LNX1: variants seen among roughly 807,000 people sequenced by gnomAD.
LNX1 encodes ligand of numb-protein X 1.
Under a neutral mutation model 68.4 loss-of-function variants are expected in LNX1, and 54 were observed. The ratio of observed to expected loss-of-function variants is 0.79; its 90% CI spans 0.63 to 0.99. The LOEUF (loss-of-function observed/expected upper bound fraction) is 0.99. LNX1 is among the 50% of genes least tolerant of loss of function. The pLI is 0.00. For synonymous variants in LNX1, 336 were observed against 350.0 expected (o/e 0.96, Z 0.45); for missense variants, 906 against 926.4 (o/e 0.98, Z 0.29).
chr4:53,557,805 T>C (rs1730019912), intron 2 of LNX1: 1 of 1,580,964 alleles, frequency 6.3e-7, no homozygotes, highest in Non-Finnish European at 8.7e-7. Flanking sequence ...AGCTAGGGAA[T>C]GGACTCGGGT....
intron 9 of LNX1, among the ~76,000 whole-genome samples, chr4:53,463,364 A>G (rs1722337631): frequency 6.6e-6 from 1 of 152,094 alleles, no homozygotes; most frequent in Admixed American, 6.5e-5. Context: ...TTATTTAATT[A>G]AAAAGTAAAC....
intron 1 of LNX1, among the ~76,000 whole-genome samples, chr4:53,584,016 T>G (rs1322137806): frequency 1.3e-5 from 2 of 152,186 alleles, no homozygotes; most frequent in Non-Finnish European, 2.9e-5. Context: ...TTCGGAGCTC[T>G]GTTCATGCTA....
chr4:53,642,948 T>C (rs1191696183), intron 1 of LNX1, among the ~76,000 whole-genome samples: 2 of 152,164 alleles, frequency 1.3e-5, no homozygotes, highest in Non-Finnish European at 2.9e-5. Context: ...AATGGTTCTC[T>C]GTGTGGGGTG....
At chr4:53,644,796 A>G (rs1734821716) in intron 1 of LNX1, among the ~76,000 whole-genome samples, 1 of 152,162 alleles carries the variant, frequency 6.6e-6, no homozygotes, top group Admixed American at 6.5e-5. Context: ...GAAGGTCGTT[A>G]TTACCAACCC....
rs879386080 is a variant in LNX1, at chr4:53,460,400, A to AAAT, written c.*504_*506dup. On this transcript the variant is annotated 3_prime_UTR_variant, in exon 11 of 11. Transcript: ENST00000263925. ...AAAGAATAAATTACTAGGATCTTTT[A>AAAT]AATAGTGATAATACAAAAGTAATCT... 6.1e-4 allele frequency: 115 copies of AAAT among 189,058 alleles called. No homozygotes were observed. Among genetic ancestry groups the AAAT allele is most frequent in the African/African-American group, 2.1e-3 (90 of 42,970 alleles). The allele number at this position is 189,058 out of a possible 1,614,324, so 11.7% of individuals were successfully genotyped here.
intron 9 of LNX1, among the ~76,000 whole-genome samples, chr4:53,470,114 C>A (rs1037600682): frequency 1.3e-5 from 2 of 152,178 alleles, no homozygotes; most frequent in Non-Finnish European, 2.9e-5. Flanking sequence ...CAAACCAAAT[C>A]CAGCAGCACA....
intron 1 of LNX1, among the ~76,000 whole-genome samples, chr4:53,645,361 T>C (rs1734846940): frequency 6.6e-6 from 1 of 152,096 alleles, no homozygotes; most frequent in African/African-American, 2.4e-5. Flanking sequence ...AATGAAGATA[T>C]TTGGTCATTG....
upstream of LNX1, among the ~76,000 whole-genome samples, chr4:53,619,868 A>C (rs1185743175): frequency 1.3e-5 from 2 of 152,220 alleles, no homozygotes; most frequent in African/African-American, 4.8e-5. Context: ...CATCCTTGCC[A>C]GTGCTTGTTA....
chr4:53,539,157 G>GT (rs1219852236), intron 2 of LNX1: 2 of 152,216 alleles, frequency 1.3e-5, no homozygotes, highest in African/African-American at 4.8e-5. Flanking sequence ...AAGGAGCTCA[G>GT]TGTGCTTTAT....
Position 53,460,960 on chromosome 4 carries a change from G to A in LNX1, c.2134C>T (p.Leu712Phe), listed in dbSNP as rs1244545430. The A allele has an allele frequency of 6.2e-7, 1 of 1,609,960 alleles. No individual in the cohort carries two copies. The highest frequency in any genetic ancestry group is 1.1e-5 in the South Asian group (1 of 90,378). ...ATAGTTAGAGTAATTCTTCCTTTAAGTTCTTTCAGCAGTCTTGCCAAGCAA... is the reference window on the plus strand; with the variant it reads ...ATAGTTAGAGTAATTCTTCCTTTAAATTCTTTCAGCAGTCTTGCCAAGCAA... ...HACLARLLKELKGRITLTIVS... is the reference protein window; with the variant it reads ...HACLARLLKEFKGRITLTIVS... The change falls in exon 11 of 11, where the codon CTT becomes TTT. Residue 712 changes from leucine (L) to phenylalanine (F), a missense_variant. By Grantham distance (22) the Leu-to-Phe change is conservative. Coordinates refer to ENST00000263925, the MANE Select transcript of LNX1 (RefSeq NM_001126328.3).
At chr4:53,491,395 C>T (rs569889754) in intron 6 of LNX1, among the ~76,000 whole-genome samples, 10 of 152,226 alleles carry the variant, frequency 6.6e-5, no homozygotes, top group South Asian at 2.1e-4. Context: ...ATTGATTGGC[C>T]GGCTAATGCC....
intron 2 of LNX1, among the ~76,000 whole-genome samples, chr4:53,542,459 C>G (rs1472491990): frequency 6.6e-6 from 1 of 152,090 alleles, no homozygotes; most frequent in African/African-American, 2.4e-5. Flanking sequence ...TTAAGCCCAG[C>G]CATGGGAAGG....
At chr4:53,589,537 C>A (rs1218590847) in intron 1 of LNX1, among the ~76,000 whole-genome samples, 1 of 152,184 alleles carries the variant, frequency 6.6e-6, no homozygotes, top group African/African-American at 2.4e-5. Context: ...CAGTTAACAC[C>A]AGGCATTGGT....
intron 1 of LNX1, chr4:53,575,720 G>A: frequency 6.9e-7 from 1 of 1,439,292 alleles, no homozygotes; most frequent in Non-Finnish European, 9.1e-7. Context: ...AGCAGTGTCT[G>A]CTGTGGGGGC....
At chr4:53,558,037 C>T in intron 2 of LNX1, 1 of 1,596,778 alleles carries the variant, frequency 6.3e-7, no homozygotes, top group Non-Finnish European at 8.5e-7. Context: ...AGCCAAGCTC[C>T]TTTAAGCAAA....
intron 2 of LNX1, among the ~76,000 whole-genome samples, chr4:53,535,495 G>A (rs1434582408): frequency 1.3e-5 from 2 of 151,946 alleles, no homozygotes; most frequent in South Asian, 2.1e-4. Context: ...GGCTCATTAT[G>A]TTGTAATGAA....
Position 53,498,713 on chromosome 4 carries a change from A to G in LNX1, c.906T>C (p.Ile302=). Residue 302 remains isoleucine, a synonymous_variant, in exon 5 of 11, where the codon ATT becomes ATC. Transcript: ENST00000263925. ...CCCCATCACGATAAATGTGTTGGAT[A>G]ATGATATGGACCAGTGGGGTTTCGC... ...GGSETPLVHI[I]IQHIYRDGVI... is the part of the protein sequence containing the mutation. 1 of 1,614,046 alleles carries G rather than the reference A, an allele frequency of 6.2e-7. No individual in the cohort carries two copies. Among genetic ancestry groups the G allele is most frequent in the Non-Finnish European group, 8.5e-7 (1 of 1,179,934 alleles).
intron 2 of LNX1, among the ~76,000 whole-genome samples, chr4:53,606,472 A>C (rs1319987148): frequency 3.7e-5 from 3 of 81,336 alleles, no homozygotes; most frequent in Non-Finnish European, 5.1e-5. Context: ...ACAAACAAAC[A>C]AACAAAAAAC....
intron 1 of LNX1, among the ~76,000 whole-genome samples, chr4:53,637,185 C>G (rs1734513266): frequency 6.6e-6 from 1 of 151,972 alleles, no homozygotes; most frequent in Non-Finnish European, 1.5e-5. Context: ...GACCAAAACA[C>G]AACATCATGA....
Sources: gnomAD v4.1 joint callset for allele counts (sites outside exome capture counted in the v4.1 genomes callset) on GRCh38, gnomAD v4.1.1 for gene constraint, MANE v1.5 for transcripts, NCBI Gene and HGNC (gene_info 2026-07-23, HGNC 2026-07-21) for gene names.